The following SRGAP1 variants were observed in gnomAD, a reference collection of about 807,000 sequenced individuals.
SRGAP1 encodes SLIT-ROBO Rho GTPase activating protein 1, also known as SLIT-ROBO Rho GTPase-activating protein 1.
In SRGAP1, 43 loss-of-function variants were observed where a neutral mutation model predicts 121.9. That is an observed-to-expected ratio of 0.35 (90% CI 0.28 to 0.46). The LOEUF is 0.46. Among genes scored for constraint, SRGAP1 ranks in the 20% least tolerant of loss-of-function variants. SRGAP1 has a pLI of 1.00. For missense variants in SRGAP1, 1,102 were observed against 1,350.9 expected (o/e 0.82, Z 2.89); for synonymous variants, 447 against 485.4 (o/e 0.92, Z 1.04).
rs184326566 is a variant in SRGAP1 at position 64,122,743 on chromosome 12, C to T, written c.2225-3234C>T. On this transcript the variant is annotated intron_variant, in intron 18 of 21. Transcript: ENST00000355086. ...TGAAACCCCATTGCTACTAAAAATA[C>T]AAAAATTATTGGGGCATGGTGGCAC... 5.9e-5 allele frequency among the ~76,000 whole-genome samples: 9 copies of T among 152,164 alleles called. No individual in the cohort carries two copies. The East Asian group carries it at 1.5e-3, about 26-fold the overall frequency.
Position 63,889,672 on chromosome 12 carries a change from G to T in SRGAP1, c.67+44789G>T, listed in dbSNP as rs866585563. Among the ~76,000 whole-genome samples, 214 of 152,262 alleles carry T rather than the reference G, an allele frequency of 1.4e-3. 1 individual carries two copies. The highest frequency in any genetic ancestry group is 4.9e-3 in the African/African-American group (205 of 41,540). On this transcript the variant is annotated intron_variant, in intron 1 of 21. Transcript: ENST00000355086. ...CGCCTGTAATCCCAGCACTTTGGGA[G>T]GCCAAGGCAGGCAGATCATGAGGGC...
rs748343534 is a variant in SRGAP1, at chr12:64,126,043, T to G, written c.2291T>G (p.Phe764Cys). 44 of 1,614,034 alleles carry G rather than the reference T, an allele frequency of 2.7e-5. No homozygotes were observed. Among genetic ancestry groups the G allele is most frequent in the Non-Finnish European group, 3.7e-5 (44 of 1,180,022 alleles). The change falls in exon 19 of 22, where the codon TTC becomes TGC. Residue 764 changes from phenylalanine to cysteine, a missense_variant. Transcript: ENST00000355086. ...YVGRSARELSFKKGASLLLYH... is the reference protein window; with the variant it reads ...YVGRSARELSCKKGASLLLYH... ...GGGCGGTCTGCCAGAGAACTATCCT[T>G]CAAGAAGGGTGCCTCCCTGCTGCTG...
intron 3 of SRGAP1, among the ~76,000 whole-genome samples, chr12:64,015,542 G>A (rs1035642806): frequency 1.3e-4 from 20 of 152,162 alleles, no homozygotes; most frequent in Non-Finnish European, 1.5e-5. Flanking sequence ...ATTTCTCAAA[G>A]TTCAGGTACT....
At chr12:63,908,729 T>A (rs761005160) in intron 1 of SRGAP1, among the ~76,000 whole-genome samples, 6 of 152,152 alleles carry the variant, frequency 3.9e-5, no homozygotes, top group African/African-American at 7.2e-5. Flanking sequence ...AGTTACTTCG[T>A]TCTTTTTGCT....
intron 1 of SRGAP1, among the ~76,000 whole-genome samples, chr12:63,891,713 A>G (rs1900586249): frequency 1.3e-5 from 2 of 152,186 alleles, no homozygotes; most frequent in Admixed American, 1.3e-4. Flanking sequence ...GCAGCCAGGC[A>G]TGGTGGTTCA....
At chr12:64,053,167 CTATGCTTGAGA>C (rs1364103432) in intron 6 of SRGAP1, among the ~76,000 whole-genome samples, 1 of 152,176 alleles carries the variant, frequency 6.6e-6, no homozygotes, top group Non-Finnish European at 1.5e-5. Flanking sequence ...GCATTGGTCA[CTATGCTTGAGA>C]GCAAGGGTGG....
At chr12:63,914,512 T>G (rs754474350) in intron 1 of SRGAP1, among the ~76,000 whole-genome samples, 2 of 152,250 alleles carry the variant, frequency 1.3e-5, no homozygotes, top group Admixed American at 6.5e-5. Flanking sequence ...TATCTTTTTA[T>G]GAAGATAATA....
At chr12:63,938,090 T>G (rs1469296999) in intron 1 of SRGAP1, among the ~76,000 whole-genome samples, 1 of 152,178 alleles carries the variant, frequency 6.6e-6, no homozygotes. Flanking sequence ...CGGTTTCTAC[T>G]GAGATGAGCA....
chr12:63,926,344 G>A (rs752571947), intron 1 of SRGAP1, among the ~76,000 whole-genome samples: 7 of 152,086 alleles, frequency 4.6e-5, no homozygotes, highest in Non-Finnish European at 7.4e-5. Context: ...ATACTCTCAT[G>A]GGGGATATAA....
chr12:63,865,455 C>G (rs924439577), intron 1 of SRGAP1, among the ~76,000 whole-genome samples: 4 of 151,766 alleles, frequency 2.6e-5, no homozygotes, highest in African/African-American at 9.7e-5. Context: ...GGCGATAGAG[C>G]GAGATTCAGT....
At chr12:63,870,476 T>C (rs567181681) in intron 1 of SRGAP1, among the ~76,000 whole-genome samples, 1 of 152,202 alleles carries the variant, frequency 6.6e-6, no homozygotes, top group South Asian at 2.1e-4. Flanking sequence ...CAGCTCCTTG[T>C]TACTTCCACC....
intron 18 of SRGAP1, among the ~76,000 whole-genome samples, chr12:64,125,341 G>A (rs1044294287): frequency 2.0e-5 from 3 of 151,962 alleles, no homozygotes; most frequent in African/African-American, 7.3e-5. Flanking sequence ...AGGCATATTT[G>A]TTTTATGGTT....
rs534522149 is a variant in SRGAP1, at chr12:63,848,334, T to C, written c.67+3451T>C. Among the ~76,000 whole-genome samples the C allele has an allele frequency of 3.9e-5, 6 of 152,194 alleles. No individual in the cohort carries two copies. The South Asian group carries it at 1.2e-3, about 32-fold the overall frequency. On this transcript the variant is annotated intron_variant, in intron 1 of 21. Transcript: ENST00000355086. ...GCCCAGATATGGAATTTTGCCACTG[T>C]GGCTGCCTGCACAGGTTTTGGGAAC...
rs2037168499 is a variant in SRGAP1, at chr12:64,156,965, C to T, written c.*14293C>T. On this transcript the variant is annotated 3_prime_UTR_variant, in exon 22 of 22. Coordinates refer to ENST00000355086, the MANE Select transcript of SRGAP1 (RefSeq NM_020762.4). ...GACCTTAACAGCTAGGCCTGCACTGCTCATGCTTTGGGACCAGAAAGCGGA... is the reference window on the plus strand; with the variant it reads ...GACCTTAACAGCTAGGCCTGCACTGTTCATGCTTTGGGACCAGAAAGCGGA... 4 of 152,242 alleles carry T rather than the reference C, an allele frequency of 2.6e-5. No individual in the cohort carries two copies. Among genetic ancestry groups the T allele is most frequent in the Admixed American group, 2.6e-4 (4 of 15,298 alleles). 9.4% of individuals were successfully genotyped at this position (152,242 alleles called of 1,614,324 possible).
intron 6 of SRGAP1, among the ~76,000 whole-genome samples, chr12:64,049,375 G>GATGC (rs2035194247): frequency 6.6e-6 from 1 of 152,190 alleles, no homozygotes; most frequent in Admixed American, 6.5e-5. Context: ...CATGGCTGGG[G>GATGC]ATGCCTCAGG....
chr12:64,044,886 C>T (rs1055588424), intron 6 of SRGAP1, among the ~76,000 whole-genome samples: 1 of 151,600 alleles, frequency 6.6e-6, no homozygotes, highest in African/African-American at 2.4e-5. Flanking sequence ...CACCATGTTG[C>T]CCAGGCCAAT....
intron 1 of SRGAP1, among the ~76,000 whole-genome samples, chr12:63,928,110 TC>T (rs1163218024): frequency 2.0e-5 from 3 of 152,152 alleles, no homozygotes; most frequent in Non-Finnish European, 4.4e-5. Flanking sequence ...GGTTGTCTTT[TC>T]CTTTTTCAGC....
intron 1 of SRGAP1, among the ~76,000 whole-genome samples, chr12:63,924,326 T>G (rs1286537540): frequency 6.6e-6 from 1 of 152,178 alleles, no homozygotes; most frequent in Non-Finnish European, 1.5e-5. Context: ...GAGTTGTAGA[T>G]GAGTTGGGTT....
At chr12:64,015,195 A>G (rs2034370323) in intron 3 of SRGAP1, among the ~76,000 whole-genome samples, 1 of 152,140 alleles carries the variant, frequency 6.6e-6, no homozygotes, top group Non-Finnish European at 1.5e-5. Flanking sequence ...CCCATTAGAG[A>G]GTTCTAAATT....
Sources: allele counts gnomAD v4.1 joint callset (sites outside exome capture counted in the v4.1 genomes callset), GRCh38; gene constraint gnomAD v4.1.1; transcripts MANE v1.5; gene names NCBI Gene and HGNC (gene_info 2026-07-23, HGNC 2026-07-21).